Variants in LRRC38 observed in about 807,000 individuals in gnomAD.
LRRC38 encodes leucine-rich repeat-containing protein 38.
LRRC38 carries 5 observed loss-of-function variants against 16.4 expected under a neutral mutation model. That is an observed-to-expected ratio of 0.31 (90% CI 0.16 to 0.64). The LOEUF (loss-of-function observed/expected upper bound fraction) is 0.64, where lower values mean the gene tolerates loss of function less well. Ranked by LOEUF, LRRC38 falls within the 30% of genes least tolerant of loss-of-function variation. The probability of loss-of-function intolerance (pLI) is 0.80; values close to 1 mark genes in which losing one functional copy is unlikely to be tolerated. For missense variants in LRRC38, 341 were observed against 401.8 expected, an observed-to-expected ratio of 0.85 and a Z score of 1.29; for synonymous variants, 191 against 190.2, an observed-to-expected ratio of 1.00 and a Z score of -0.04.
At chr1:13,492,286 GA>G (rs1639023436) in intron 1 of LRRC38, among the ~76,000 whole-genome samples, 1 of 152,214 alleles carries the variant, frequency 6.6e-6, no homozygotes, top group African/African-American at 2.4e-5. Context: ...ATGCATGTCA[GA>G]ATTCCCTTGC....
chr1:13,506,023 G>A (rs1203262573), intron 1 of LRRC38, among the ~76,000 whole-genome samples: 1 of 151,826 alleles, frequency 6.6e-6, no homozygotes, highest in Admixed American at 6.6e-5. Flanking sequence ...TGTTGTACGA[G>A]CCTCTGGGGA....
chr1:13,475,678 T>G lies in LRRC38; in HGVS notation c.*168A>C. 9 of 787,000 alleles carry G rather than the reference T, an allele frequency of 1.1e-5. No homozygotes were observed. The highest frequency in any genetic ancestry group is 1.6e-5 in the Non-Finnish European group (8 of 509,018). The allele number at this position is 787,000 out of a possible 1,614,324, so 48.8% of individuals were successfully genotyped here. A position where few individuals can be genotyped will look rare whatever the true frequency, so the allele number is the denominator to read the frequency against. ...TCTGTGCTCTGCTGATTCTAAACTC[T>G]GAGATCAGTGGTCCCAGCAGGTGTA... On this transcript the variant is annotated 3_prime_UTR_variant, in exon 2 of 2. Transcript: ENST00000376085. The surrounding 1 kb of genome is among the most constrained non-coding windows in gnomAD (Gnocchi z 4.3).
Position 13,513,580 on chromosome 1 carries a change from G to A in LRRC38, c.14C>T (p.Ala5Val). The change falls in exon 1 of 2, where the codon GCC (alanine) becomes GTC (valine). Residue 5 changes from alanine to valine, a missense_variant. Ala to Val is a moderately conservative substitution (Grantham distance 64). Transcript: ENST00000376085. MRPR[A>V]PACAAAALGL... Reference sequence around the variant, plus strand: ...GAGCGCCGCGGCGGCGCAGGCTGGGGCTCGGGGGCGCATGGCCGGGGGGCC... The same window carrying A: ...GAGCGCCGCGGCGGCGCAGGCTGGGACTCGGGGGCGCATGGCCGGGGGGCC... 8.5e-7 allele frequency: 1 copy of A among 1,180,638 alleles called. No homozygotes were observed. Among genetic ancestry groups the A allele is most frequent in the East Asian group, 3.7e-5 (1 of 26,676 alleles). 73.1% of individuals were successfully genotyped at this position (1,180,638 alleles called of 1,614,324 possible).
chr1:13,505,540 A>C (rs1346593931), intron 1 of LRRC38, among the ~76,000 whole-genome samples: 2 of 152,186 alleles, frequency 1.3e-5, no homozygotes, highest in African/African-American at 4.8e-5. Flanking sequence ...CCACAGCCTC[A>C]CTGAGACCCT....
At chr1:13,509,468 C>T (rs901441420) in intron 1 of LRRC38, among the ~76,000 whole-genome samples, 4 of 152,118 alleles carry the variant, frequency 2.6e-5, no homozygotes, top group African/African-American at 9.7e-5. Flanking sequence ...CTCGGTTTCT[C>T]AAACCCAGCG....
chr1:13,475,568 CTCGG>C lies in LRRC38; in HGVS notation c.*274_*277del, dbSNP rs1638776070. The C allele has an allele frequency of 2.4e-6, 1 of 408,668 alleles. No homozygotes were observed. Among genetic ancestry groups the C allele is most frequent in the African/African-American group, 2.0e-5 (1 of 50,702 alleles). The allele number at this position is 408,668 out of a possible 1,614,324, so 25.3% of individuals were successfully genotyped here. On this transcript the variant is annotated 3_prime_UTR_variant, in exon 2 of 2. Coordinates refer to ENST00000376085, the MANE Select transcript of LRRC38 (RefSeq NM_001010847.2). This position sits in a 1 kb window ranked among gnomAD's most constrained non-coding sequence, Gnocchi z 4.3. The stretch of plus-strand genomic sequence containing the variant: ...TTTAGTCATCAGCTATGAAGCCTGA[CTCGG>C]TCATCTTCTCCCCCAACACACACCT...
At position 13,513,428 on chromosome 1, in the gene LRRC38, G is replaced by C. The variant is rs1458224099; in HGVS notation, c.166C>G (p.Leu56Val). Reference protein sequence around the residue: ...GLPSVPDPFPLDVRKLLVAGN... With the variant: ...GLPSVPDPFPVDVRKLLVAGN... Reference sequence around the variant, plus strand: ...GCCACCAGCAGCTTGCGCACGTCCAGGGGGAAAGGGTCTGGCACGCTGGGC... The same window carrying C: ...GCCACCAGCAGCTTGCGCACGTCCACGGGGAAAGGGTCTGGCACGCTGGGC... Residue 56 changes from leucine (L) to valine (V), a missense_variant, in exon 1 of 2, where the codon CTG (leucine) becomes GTG (valine). Transcript: ENST00000376085. 2.6e-6 allele frequency: 4 copies of C among 1,550,142 alleles called. No individual in the cohort carries two copies. In the South Asian group the frequency reaches 3.6e-5, roughly 14 times the overall value.
intron 1 of LRRC38, among the ~76,000 whole-genome samples, chr1:13,480,308 G>T (rs990766209): frequency 6.6e-6 from 1 of 152,228 alleles, no homozygotes; most frequent in African/African-American, 2.4e-5. Context: ...CCACGCCATT[G>T]CACTCCAGCC....
At chr1:13,488,828 C>T (rs903378751) in intron 1 of LRRC38, among the ~76,000 whole-genome samples, 7 of 152,106 alleles carry the variant, frequency 4.6e-5, no homozygotes, top group Non-Finnish European at 1.0e-4. Flanking sequence ...ATGAGCTTTG[C>T]AAGTCTTCCC....
intron 1 of LRRC38, among the ~76,000 whole-genome samples, chr1:13,512,238 G>A (rs1028668295): frequency 5.3e-5 from 8 of 152,146 alleles, no homozygotes; most frequent in Non-Finnish European, 8.8e-5. Flanking sequence ...CCTTCCTGCG[G>A]GCCTTAATGG....
rs1417751638 is a variant in LRRC38 at position 13,513,117 on chromosome 1, G to A, written c.477C>T (p.Leu159=). The change falls in exon 1 of 2, where the codon CTC becomes CTT. Residue 159 remains leucine, a synonymous_variant. Coordinates refer to ENST00000376085, the MANE Select transcript of LRRC38 (RefSeq NM_001010847.2). ...TGAGGCTGCGCAGGTTGTTGTCGTT[G>A]AGCTCCAGCACCTGCAGCGACTCCA... ...ETLESLQVLE[L]NDNNLRSLSV... The A allele has an allele frequency of 1.3e-6, 2 of 1,550,284 alleles. No homozygotes were observed. The highest frequency in any genetic ancestry group is 2.4e-5 in the South Asian group (2 of 84,064).
chr1:13,486,121 T>A (rs920224463), intron 1 of LRRC38, among the ~76,000 whole-genome samples: 1 of 152,086 alleles, frequency 6.6e-6, no homozygotes, highest in African/African-American at 2.4e-5. Flanking sequence ...GTAATTTTAG[T>A]AGAGATGGGG....
At chr1:13,485,589 A>C (rs1638922641) in intron 1 of LRRC38, among the ~76,000 whole-genome samples, 1 of 152,030 alleles carries the variant, frequency 6.6e-6, no homozygotes, top group African/African-American at 2.4e-5. Flanking sequence ...AAGAAGAAGA[A>C]TGCTTGCACA....
In LRRC38 at chr1:13,513,644, G is replaced by T; in HGVS notation, c.-51C>A. On this transcript the variant is annotated 5_prime_UTR_variant, in exon 1 of 2. Transcript: ENST00000376085. The stretch of plus-strand genomic sequence containing the variant: ...GCGAGAAGGAAGCGGCTCTCGGAGC[G>T]AGCCCTGGCGCGGGACGGCGCGGTG... 1 of 1,035,216 alleles carries T rather than the reference G, an allele frequency of 9.7e-7. No homozygotes were observed. Among genetic ancestry groups the T allele is most frequent in the African/African-American group, 1.7e-5 (1 of 58,262 alleles). 64.1% of individuals were successfully genotyped at this position (1,035,216 alleles called of 1,614,324 possible).
chr1:13,505,888 C>T (rs1639206327), intron 1 of LRRC38, among the ~76,000 whole-genome samples: 1 of 143,884 alleles, frequency 7.0e-6, no homozygotes, highest in South Asian at 2.4e-4. Flanking sequence ...GCTGGTGTGG[C>T]CTGGGTGGGG....
In LRRC38 at chr1:13,504,150, G is replaced by A. The variant is rs566235036; in HGVS notation, c.631+8813C>T. Among the ~76,000 whole-genome samples, 95 of 152,340 alleles carry A rather than the reference G, an allele frequency of 6.2e-4. 2 individuals are homozygous for A. In the South Asian group the frequency reaches 0.016, roughly 25 times the overall value. On this transcript the variant is annotated intron_variant, in intron 1 of 1. Transcript: ENST00000376085. ...GACAAAATAATAACAGCTTCTATAC[G>A]TGGTGATGGAGGAAATTGCTCAAAA...
intron 1 of LRRC38, among the ~76,000 whole-genome samples, chr1:13,481,766 TCTCTCCCTCTCTCCCTCTCTCC>T (rs1427084651): frequency 0.16 from 6,220 of 38,772 alleles, 311 homozygotes; most frequent in East Asian, 0.37. Context: ...TCTTTCCCTC[TCTCTCCCTCTCTCCCTCTCTCC>T]CTCTCTCTCT....
intron 1 of LRRC38, among the ~76,000 whole-genome samples, chr1:13,497,566 T>G (rs1639094459): frequency 6.6e-6 from 1 of 152,080 alleles, no homozygotes; most frequent in African/African-American, 2.4e-5. Flanking sequence ...TGTTGGCACC[T>G]TGGCTTCCTC....
rs2100532386 is a variant in LRRC38 at position 13,513,436 on chromosome 1, G to A, written c.158C>T (p.Pro53Leu). 6.5e-7 allele frequency: 1 copy of A among 1,549,636 alleles called. No individual in the cohort carries two copies. The highest frequency in any genetic ancestry group is 8.7e-7 in the Non-Finnish European group (1 of 1,146,342). Residue 53 changes from proline (P) to leucine (L), a missense_variant, in exon 1 of 2, where the codon CCT (proline) becomes CTT (leucine). By Grantham distance (98) the Pro-to-Leu change is moderately conservative. Coordinates refer to ENST00000376085, the MANE Select transcript of LRRC38 (RefSeq NM_001010847.2). ...RDRGLPSVPD[P>L]FPLDVRKLLV... ...CAGCTTGCGCACGTCCAGGGGGAAA[G>A]GGTCTGGCACGCTGGGCAGCCCGCG...
Sources: allele counts gnomAD v4.1 joint callset (sites outside exome capture counted in the v4.1 genomes callset), GRCh38; gene constraint gnomAD v4.1.1; non-coding constraint Gnocchi (gnomAD v3.1); transcripts MANE v1.5; gene names NCBI Gene and HGNC (gene_info 2026-07-23, HGNC 2026-07-21).